The following KLHDC1 variants were observed in gnomAD, a reference collection of about 807,000 sequenced individuals.
KLHDC1 encodes the protein kelch domain-containing protein 1.
In KLHDC1, 53 loss-of-function variants were observed where a neutral mutation model predicts 68.3. The observed-to-expected ratio is 0.78, with a 90% CI of 0.62 to 0.98. The LOEUF (loss-of-function observed/expected upper bound fraction) is 0.98. Among genes scored for constraint, KLHDC1 ranks in the 50% least tolerant of loss-of-function variants. The pLI is 0.00. For missense variants in KLHDC1, 470 were observed against 492.3 expected (o/e 0.95, Z 0.43); for synonymous variants, 148 against 159.0 (o/e 0.93, Z 0.52).
At position 49,693,148 on chromosome 14, in the gene KLHDC1, C is replaced by T. The variant is rs751322113; in HGVS notation, c.-47C>T. 1.6e-5 allele frequency: 24 copies of T among 1,508,770 alleles called. No individual in the cohort carries two copies. The Admixed American group carries it at 4.1e-4, about 26-fold the overall frequency. 93.5% of individuals were successfully genotyped at this position (1,508,770 alleles called of 1,614,324 possible). A position where few individuals can be genotyped will look rare whatever the true frequency, so the allele number is the denominator to read the frequency against. On this transcript the variant is annotated 5_prime_UTR_variant, in exon 1 of 13. Coordinates refer to ENST00000359332, the MANE Select transcript of KLHDC1 (RefSeq NM_172193.3). ...CGGGGCTGGAGGCGAGGCCGCCGGG[C>T]GGGCAGGGGTTGTGGCGCGGCAAGC...
At chr14:49,695,844 C>T (rs1887725038) in intron 1 of KLHDC1, among the ~76,000 whole-genome samples, 1 of 152,110 alleles carries the variant, frequency 6.6e-6, no homozygotes, top group Non-Finnish European at 1.5e-5. Flanking sequence ...GCAGGCGGAT[C>T]ACAAAGTCAG....
intron 11 of KLHDC1, among the ~76,000 whole-genome samples, chr14:49,742,235 AG>A (rs1466667966): frequency 6.6e-6 from 1 of 152,258 alleles, no homozygotes; most frequent in Non-Finnish European, 1.5e-5. Flanking sequence ...TCTGATTAAA[AG>A]CATGATCATA....
intron 1 of KLHDC1, among the ~76,000 whole-genome samples, chr14:49,694,971 T>C (rs10149544): frequency 0.95 from 145,372 of 152,286 alleles, 69,769 homozygotes; most frequent in East Asian, 1. Context: ...GGTCTTCCTC[T>C]ATGTAGTTGG....
At chr14:49,713,866 T>TTC (rs1888296898) in intron 4 of KLHDC1, among the ~76,000 whole-genome samples, 2 of 91,416 alleles carry the variant, frequency 2.2e-5, no homozygotes, top group African/African-American at 8.3e-5. Flanking sequence ...TTTTTTTTTT[T>TTC]TCCTGAGACA....
intron 10 of KLHDC1, among the ~76,000 whole-genome samples, chr14:49,738,144 C>T (rs1388879708): frequency 6.6e-6 from 1 of 151,880 alleles, no homozygotes; most frequent in Non-Finnish European, 1.5e-5. Flanking sequence ...CCTCCTGCCT[C>T]AGCCTCCTGA....
chr14:49,713,957 A>C (rs889624182), intron 4 of KLHDC1, among the ~76,000 whole-genome samples: 2 of 145,830 alleles, frequency 1.4e-5, no homozygotes, highest in African/African-American at 2.5e-5. Flanking sequence ...GGTTCAAACA[A>C]TTCTCATGCC....
chr14:49,709,859 A>T (rs1303794610), intron 3 of KLHDC1, 33 bp downstream of exon 3: 4 of 1,095,602 alleles, frequency 3.7e-6, no homozygotes, highest in Non-Finnish European at 2.7e-6. Context: ...AGTGCAGCAA[A>T]ATGTAATATT....
At chr14:49,729,830 TG>T (rs1349744170) in intron 8 of KLHDC1, among the ~76,000 whole-genome samples, 2 of 152,214 alleles carry the variant, frequency 1.3e-5, no homozygotes, top group Non-Finnish European at 2.9e-5. Context: ...AGTGGTTGAA[TG>T]GGGTCATCTC....
chr14:49,741,551 C>G (rs1156238776), intron 11 of KLHDC1, among the ~76,000 whole-genome samples: 1 of 152,120 alleles, frequency 6.6e-6, no homozygotes, highest in African/African-American at 2.4e-5. Context: ...AAGTGATCCA[C>G]TCACCTCAGC....
chr14:49,729,027 A>G lies in KLHDC1; in HGVS notation c.651+18A>G. The G allele has an allele frequency of 1.3e-6, 2 of 1,558,038 alleles. No homozygotes were observed. Among genetic ancestry groups the G allele is most frequent in the East Asian group, 2.2e-5 (1 of 44,554 alleles). On this transcript the variant is annotated intron_variant, in intron 7 of 12. Transcript: ENST00000359332. ...GTGTTCTGGTTAGTGTTTTTAATGG[A>G]AATGGTATTTTTATGTGCAATGCTC... is the stretch of plus-strand genomic sequence containing the variant.
chr14:49,698,863 A>G (rs769239430), intron 1 of KLHDC1, among the ~76,000 whole-genome samples: 1 of 151,674 alleles, frequency 6.6e-6, no homozygotes, highest in Non-Finnish European at 1.5e-5. Context: ...AAAATTGTGT[A>G]ATTGATAAGA....
intron 1 of KLHDC1, chr14:49,699,999 A>T: frequency 2.9e-6 from 1 of 349,316 alleles, no homozygotes. Context: ...TTATTTCTGT[A>T]ATACAATTGA....
chr14:49,719,522 G>A (rs1454481669), intron 4 of KLHDC1, among the ~76,000 whole-genome samples: 4 of 151,528 alleles, frequency 2.6e-5, no homozygotes, highest in African/African-American at 7.3e-5. Context: ...TCTTCCTCCC[G>A]GGTTCAAGTG....
At chr14:49,713,817 TATATATATATATATA>T (rs1888278656) in intron 4 of KLHDC1, among the ~76,000 whole-genome samples, 2 of 2,752 alleles carry the variant, frequency 7.3e-4, no homozygotes, top group Non-Finnish European at 2.3e-3. Context: ...TATATATATA[TATATATATATATATA>T]TATATATATA....
At chr14:49,729,744 T>C (rs992716088) in intron 8 of KLHDC1, among the ~76,000 whole-genome samples, 196 bp downstream of exon 8, 1 of 152,146 alleles carries the variant, frequency 6.6e-6, no homozygotes, top group Non-Finnish European at 1.5e-5. Context: ...ATACTAACAG[T>C]TGAAATTAGA....
At chr14:49,744,113 C>T (rs1486370208) in intron 12 of KLHDC1, among the ~76,000 whole-genome samples, 1 of 71,758 alleles carries the variant, frequency 1.4e-5, no homozygotes, top group Middle Eastern at 8.3e-3. Flanking sequence ...GTGAAACCCA[C>T]GACTCTACAA....
At chr14:49,704,648 G>A (rs1311453434) in intron 1 of KLHDC1, among the ~76,000 whole-genome samples, 18 of 151,804 alleles carry the variant, frequency 1.2e-4, no homozygotes, top group Admixed American at 1.1e-3. Flanking sequence ...TGCCCACCTC[G>A]GCCTCCCAAA....
rs563993388 is a variant in KLHDC1 at position 49,736,629 on chromosome 14, T to A, written c.896+1968T>A. ...TTTGTACAAATTTTTCAAGTTGTAA[T>A]TTGAAATGTAAGCTGCCCAATTCTC... On this transcript the variant is annotated intron_variant, in intron 10 of 12. Transcript: ENST00000359332. Among the ~76,000 whole-genome samples the A allele has an allele frequency of 3.3e-3, 496 of 152,324 alleles. 4 individuals carry two copies. The highest frequency in any genetic ancestry group is 0.012 in the African/African-American group (482 of 41,568).
At chr14:49,702,832 A>G (rs888938332) in intron 1 of KLHDC1, among the ~76,000 whole-genome samples, 1 of 152,200 alleles carries the variant, frequency 6.6e-6, no homozygotes, top group African/African-American at 2.4e-5. Context: ...ATAAAGATAT[A>G]AAAAACCACG....
Sources: allele counts gnomAD v4.1 joint callset (sites outside exome capture counted in the v4.1 genomes callset), GRCh38; gene constraint gnomAD v4.1.1; transcripts MANE v1.5; gene names NCBI Gene and HGNC (gene_info 2026-07-23, HGNC 2026-07-21).